The following FRMD4A variants were observed in gnomAD, a reference collection of about 807,000 sequenced individuals.
FRMD4A encodes the protein FERM domain containing 4A.
A neutral mutation model predicts 129.1 loss-of-function variants in FRMD4A; 29 were observed. The observed-to-expected ratio is 0.22, with a 90% CI of 0.17 to 0.31. The LOEUF (loss-of-function observed/expected upper bound fraction) is 0.31, where lower values mean the gene tolerates loss of function less well. FRMD4A is among the 10% of genes least tolerant of loss of function. The pLI is 1.00. For synonymous variants in FRMD4A, 634 were observed against 571.6 expected (o/e 1.11, Z -1.56); for missense variants, 1,272 against 1,375.8 (o/e 0.92, Z 1.19).
chr10:14,246,221 T>C (rs1213792581), intron 2 of FRMD4A, among the ~76,000 whole-genome samples: 1 of 152,112 alleles, frequency 6.6e-6, no homozygotes, highest in East Asian at 1.9e-4. Flanking sequence ...AGGTCTTCAA[T>C]TTAGGAGGGT....
chr10:14,120,323 T>C (rs10796157), intron 2 of FRMD4A, among the ~76,000 whole-genome samples: 24,900 of 151,970 alleles, frequency 0.16, 2,128 homozygotes, highest in Non-Finnish European at 0.2. Context: ...CTCAGTTCAG[T>C]GTCACTTCCT....
At chr10:13,987,254 T>C (rs879593321) in intron 2 of FRMD4A, among the ~76,000 whole-genome samples, 13 of 152,162 alleles carry the variant, frequency 8.5e-5, no homozygotes, top group Non-Finnish European at 7.4e-5. Flanking sequence ...GCAGAGCAAC[T>C]GGCCCATGGA....
intron 2 of FRMD4A, among the ~76,000 whole-genome samples, chr10:14,199,281 AT>A (rs74459258): frequency 0.013 from 804 of 63,210 alleles, 8 homozygotes; most frequent in Admixed American, 0.02. Flanking sequence ...TAAGTGTCTT[AT>A]TTTATTTATT....
intron 2 of FRMD4A, among the ~76,000 whole-genome samples, chr10:14,210,300 C>A (rs1406442904): frequency 6.6e-6 from 1 of 152,118 alleles, no homozygotes; most frequent in African/African-American, 2.4e-5. Context: ...CATCTATGAA[C>A]CAGAAAGTGA....
intron 2 of FRMD4A, among the ~76,000 whole-genome samples, chr10:14,193,468 ACCCACC>A (rs1425110923): frequency 1.1e-5 from 1 of 90,858 alleles, no homozygotes; most frequent in African/African-American, 3.3e-5. Flanking sequence ...ACACCCACCC[ACCCACC>A]CACACACACA....
intron 2 of FRMD4A, among the ~76,000 whole-genome samples, chr10:14,123,994 G>C (rs1838685306): frequency 6.6e-6 from 1 of 152,134 alleles, no homozygotes; most frequent in South Asian, 2.1e-4. Flanking sequence ...TCCGTAAAAT[G>C]CCACAGAGAC....
At chr10:14,281,807 T>C (rs1845528165) in intron 2 of FRMD4A, among the ~76,000 whole-genome samples, 1 of 152,150 alleles carries the variant, frequency 6.6e-6, no homozygotes, top group Admixed American at 6.5e-5. Context: ...CTTTTCCCAC[T>C]TGCTTCCAAT....
intron 2 of FRMD4A, among the ~76,000 whole-genome samples, chr10:14,188,141 A>G (rs1179587423): frequency 6.6e-6 from 1 of 152,178 alleles, no homozygotes; most frequent in East Asian, 1.9e-4. Flanking sequence ...TTTTTCATGT[A>G]AAAATGACTT....
intron 14 of FRMD4A, 75 bp downstream of exon 14, chr10:13,701,265 A>G: frequency 7.1e-7 from 1 of 1,410,996 alleles, no homozygotes; most frequent in Non-Finnish European, 9.9e-7. Context: ...CGCCTCCCCC[A>G]CCCATCCGAT....
intron 2 of FRMD4A, among the ~76,000 whole-genome samples, chr10:13,870,149 G>C (rs1012198647): frequency 2.6e-5 from 4 of 152,364 alleles, no homozygotes; most frequent in South Asian, 2.1e-4. Flanking sequence ...AACAGAGATG[G>C]GTGGCAGAGA....
chr10:14,161,938 T>G (rs143816014), intron 2 of FRMD4A, among the ~76,000 whole-genome samples: 1 of 152,040 alleles, frequency 6.6e-6, no homozygotes, highest in Admixed American at 6.5e-5. Flanking sequence ...ATATTATGTA[T>G]CAATATGCAA....
intron 2 of FRMD4A, among the ~76,000 whole-genome samples, chr10:14,181,312 T>C (rs1841905245): frequency 2.0e-5 from 3 of 152,074 alleles, no homozygotes; most frequent in African/African-American, 7.2e-5. Flanking sequence ...CCTTAAGGTT[T>C]GTGGTTTAAG....
chr10:13,891,292 G>A (rs931143606), intron 2 of FRMD4A, among the ~76,000 whole-genome samples: 3 of 151,980 alleles, frequency 2.0e-5, no homozygotes, highest in Non-Finnish European at 2.9e-5. Flanking sequence ...GGCACTCTCA[G>A]AAAATGGTTT....
chr10:14,136,108 T>C (rs1839522431), intron 2 of FRMD4A, among the ~76,000 whole-genome samples: 1 of 152,138 alleles, frequency 6.6e-6, no homozygotes, highest in Non-Finnish European at 1.5e-5. Context: ...GTGCTCATAA[T>C]TCGTGTTATG....
At chr10:14,118,261 A>T (rs1024392065) in intron 2 of FRMD4A, among the ~76,000 whole-genome samples, 2 of 152,302 alleles carry the variant, frequency 1.3e-5, no homozygotes, top group Non-Finnish European at 2.9e-5. Flanking sequence ...AGAGTTAAAG[A>T]TGCCATGCTT....
At chr10:14,223,761 A>T (rs1219268145) in intron 2 of FRMD4A, among the ~76,000 whole-genome samples, 2 of 121,018 alleles carry the variant, frequency 1.7e-5, no homozygotes, top group African/African-American at 7.2e-5. Context: ...AAAAAAAAAA[A>T]AAAGAGAGAG....
At chr10:13,908,108 T>A (rs1404088232) in intron 2 of FRMD4A, among the ~76,000 whole-genome samples, 16 of 127,822 alleles carry the variant, frequency 1.3e-4, no homozygotes, top group African/African-American at 4.7e-4. Flanking sequence ...GAGGTTGCAG[T>A]GAGCCAAGAT....
intron 2 of FRMD4A, among the ~76,000 whole-genome samples, chr10:14,329,673 C>T (rs1411212425): frequency 6.6e-6 from 1 of 152,146 alleles, no homozygotes; most frequent in East Asian, 1.9e-4. Flanking sequence ...GCAACAGATT[C>T]CACAGTTGCC....
intron 2 of FRMD4A, among the ~76,000 whole-genome samples, chr10:13,931,833 C>A (rs2131287088): frequency 6.6e-6 from 1 of 150,412 alleles, no homozygotes; most frequent in Middle Eastern, 3.5e-3. Flanking sequence ...CCTATAATCC[C>A]AGGTACTTGG....
Sources: allele counts gnomAD v4.1 joint callset (sites outside exome capture counted in the v4.1 genomes callset), GRCh38; gene constraint gnomAD v4.1.1; transcripts MANE v1.5; gene names NCBI Gene and HGNC (gene_info 2026-07-23, HGNC 2026-07-21).